Variants in TMEM131L observed in about 807,000 individuals in gnomAD.
The protein encoded by TMEM131L is transmembrane protein 131-like.
TMEM131L carries 54 observed loss-of-function variants against 192.2 expected under a neutral mutation model. The observed-to-expected ratio is 0.28, with a 90% confidence interval of 0.23 to 0.35. TMEM131L has a LOEUF of 0.35. Ranked by LOEUF, TMEM131L falls within the 10% of genes least tolerant of loss-of-function variation. TMEM131L has a pLI of 1.00. For missense variants in TMEM131L, 1,888 were observed against 1,972.9 expected (o/e 0.96, Z 0.82); for synonymous variants, 701 against 704.9 (o/e 0.99, Z 0.09).
chr4:153,492,053 T>C (rs1420409897), intron 3 of TMEM131L, among the ~76,000 whole-genome samples: 1 of 151,832 alleles, frequency 6.6e-6, no homozygotes, highest in African/African-American at 2.4e-5. Context: ...CGAGCTGGAG[T>C]GTAGGTAGCA....
At chr4:153,593,741 A>G (rs1578822228) in intron 18 of TMEM131L, 58 bp from the exon 19 acceptor site, 5 of 1,122,416 alleles carry the variant, frequency 4.5e-6, no homozygotes, top group Non-Finnish European at 6.8e-6. Context: ...CACTTATTAA[A>G]TCTTTCTTTA....
At chr4:153,635,321 G>A in intron 33 of TMEM131L, 111 bp from the exon 34 acceptor site, 1 of 963,030 alleles carries the variant, frequency 1.0e-6, no homozygotes, top group South Asian at 1.5e-5. Flanking sequence ...AAGTATTTAT[G>A]TCTGTAACTT....
chr4:153,625,212 G>C (rs893667410), intron 29 of TMEM131L, among the ~76,000 whole-genome samples: 5 of 152,102 alleles, frequency 3.3e-5, no homozygotes, highest in African/African-American at 7.2e-5. Context: ...AGGAGTTCAA[G>C]ACCAGCTGGC....
chr4:153,562,967 T>G (rs1249874013), intron 7 of TMEM131L, among the ~76,000 whole-genome samples: 1 of 152,354 alleles, frequency 6.6e-6, no homozygotes, highest in South Asian at 2.1e-4. Flanking sequence ...TTTAGATTTT[T>G]ATATGTGAGT....
At chr4:153,531,308 G>A (rs931023455) in intron 3 of TMEM131L, among the ~76,000 whole-genome samples, 1 of 152,164 alleles carries the variant, frequency 6.6e-6, no homozygotes, top group Non-Finnish European at 1.5e-5. Context: ...GGCTATTACT[G>A]GACTAAATTA....
chr4:153,598,499 A>G (rs1378710660), intron 20 of TMEM131L, 91 bp from the exon 21 acceptor site: 2 of 1,150,996 alleles, frequency 1.7e-6, no homozygotes, highest in Non-Finnish European at 2.5e-6. Flanking sequence ...GTTTAAAAAT[A>G]TTCTTGATAA....
chr4:153,621,964 G>C (rs1733447703), intron 28 of TMEM131L, 115 bp downstream of exon 28: 1 of 999,486 alleles, frequency 1.0e-6, no homozygotes, highest in Admixed American at 2.6e-5. Flanking sequence ...AGGCAACTTA[G>C]CTAATAACTA....
At chr4:153,600,042 A>C (rs942650847) in intron 21 of TMEM131L, among the ~76,000 whole-genome samples, 51 of 152,266 alleles carry the variant, frequency 3.3e-4, no homozygotes, top group African/African-American at 1.1e-3. Context: ...TTCGTCTCAA[A>C]AAAGGAAAAA....
intron 16 of TMEM131L, among the ~76,000 whole-genome samples, chr4:153,590,672 T>G (rs2150831026): frequency 6.6e-6 from 1 of 152,370 alleles, no homozygotes; most frequent in South Asian, 2.1e-4. Flanking sequence ...GGCAGATTTT[T>G]TTTTTCTAAA....
chr4:153,581,134 G>C (rs1345509299), intron 8 of TMEM131L, among the ~76,000 whole-genome samples: 2 of 152,176 alleles, frequency 1.3e-5, no homozygotes, highest in African/African-American at 4.8e-5. Flanking sequence ...GGTGCCCGTA[G>C]TCCCAGCTAC....
chr4:153,466,374 A>T lies in TMEM131L; in HGVS notation c.-24A>T, dbSNP rs1276213852. ...GAGCTAGCGGCGAGCGCGGCGAGCAACGGAGAGGAGCGCGAGCAGCAGCAT... is the reference window on the plus strand; with the variant it reads ...GAGCTAGCGGCGAGCGCGGCGAGCATCGGAGAGGAGCGCGAGCAGCAGCAT... On this transcript the variant is annotated 5_prime_UTR_variant, in exon 1 of 35. Coordinates refer to ENST00000409959, the MANE Select transcript of TMEM131L (RefSeq NM_001131007.2). The T allele has an allele frequency of 7.9e-7, 1 of 1,271,366 alleles. No homozygotes were observed. Among genetic ancestry groups the T allele is most frequent in the Non-Finnish European group, 9.9e-7 (1 of 1,005,660 alleles). 78.8% of individuals were successfully genotyped at this position (1,271,366 alleles called of 1,614,324 possible).
intron 7 of TMEM131L, among the ~76,000 whole-genome samples, chr4:153,563,325 G>A (rs893406644): frequency 6.6e-6 from 1 of 152,154 alleles, no homozygotes; most frequent in Non-Finnish European, 1.5e-5. Flanking sequence ...AGATCGTTAT[G>A]AGTTATCTGT....
At chr4:153,566,978 C>T (rs571991411) in intron 7 of TMEM131L, among the ~76,000 whole-genome samples, 2 of 152,360 alleles carry the variant, frequency 1.3e-5, no homozygotes, top group South Asian at 2.1e-4. Flanking sequence ...GTTGCGGTCC[C>T]GGGCTGCCTA....
intron 21 of TMEM131L, among the ~76,000 whole-genome samples, chr4:153,599,052 C>CAA (rs35621629): frequency 0.27 from 41,460 of 151,840 alleles, 6,011 homozygotes; most frequent in Non-Finnish European, 0.34. Flanking sequence ...AATTTATGAA[C>CAA]AAGAGTTTTA....
intron 3 of TMEM131L, among the ~76,000 whole-genome samples, chr4:153,534,639 T>A (rs1736172224): frequency 6.6e-6 from 1 of 152,156 alleles, no homozygotes; most frequent in African/African-American, 2.4e-5. Flanking sequence ...TTCACCATGT[T>A]AGCCAGGATG....
At chr4:153,594,811 T>A (rs1279407054) in intron 19 of TMEM131L, among the ~76,000 whole-genome samples, 1 of 152,078 alleles carries the variant, frequency 6.6e-6, no homozygotes, top group Non-Finnish European at 1.5e-5. Flanking sequence ...CAGGTGTGGT[T>A]TTATTCTTGT....
chr4:153,620,960 T>G (rs1353093550), intron 27 of TMEM131L, 80 bp downstream of exon 27: 5 of 1,082,400 alleles, frequency 4.6e-6, no homozygotes, highest in Non-Finnish European at 6.7e-6. Flanking sequence ...ACTTTTAAAC[T>G]TATTTCGGTG....
At chr4:153,553,818 T>C (rs969065189) in intron 4 of TMEM131L, among the ~76,000 whole-genome samples, 5 of 152,356 alleles carry the variant, frequency 3.3e-5, no homozygotes, top group African/African-American at 1.2e-4. Flanking sequence ...ATTTTAATCA[T>C]TCTTTTGTAG....
chr4:153,511,457 AG>A (rs2150074426), intron 3 of TMEM131L, among the ~76,000 whole-genome samples: 1 of 152,314 alleles, frequency 6.6e-6, no homozygotes, highest in Non-Finnish European at 1.5e-5. Flanking sequence ...GTAGAACAAC[AG>A]GAATGGGGCC....
Sources: allele counts gnomAD v4.1 joint callset (sites outside exome capture counted in the v4.1 genomes callset), GRCh38; gene constraint gnomAD v4.1.1; transcripts MANE v1.5; gene names NCBI Gene and HGNC (gene_info 2026-07-23, HGNC 2026-07-21).